Variants in DPYD observed in about 807,000 individuals in gnomAD.
DPYD encodes the protein dihydropyrimidine dehydrogenase, also known as dihydropyrimidine dehydrogenase [NADP(+)].
DPYD carries 109 observed loss-of-function variants against 116.2 expected under a neutral mutation model. The observed-to-expected ratio is 0.94, with a 90% confidence interval of 0.80 to 1.10. The LOEUF (loss-of-function observed/expected upper bound fraction) is 1.10. Among genes scored for constraint, DPYD ranks in the 50% least tolerant of loss-of-function variants. The probability of loss-of-function intolerance (pLI) is 0.00; values close to 1 mark genes in which losing one functional copy is unlikely to be tolerated. For missense variants in DPYD, 1,302 were observed against 1,254.5 expected, an observed-to-expected ratio of 1.04 and a Z score of -0.57; for synonymous variants, 440 against 432.0, an observed-to-expected ratio of 1.02 and a Z score of -0.23.
At chr1:97,620,212 C>A (rs75761978) in intron 8 of DPYD, among the ~76,000 whole-genome samples, 1 of 151,944 alleles carries the variant, frequency 6.6e-6, no homozygotes, top group Non-Finnish European at 1.5e-5. Flanking sequence ...TTCTTTTTGT[C>A]CTTTTAAAAA....
chr1:97,404,502 T>A (rs977619864), intron 14 of DPYD, among the ~76,000 whole-genome samples: 10 of 152,124 alleles, frequency 6.6e-5, no homozygotes, highest in Non-Finnish European at 1.3e-4. Context: ...GATTCTTATG[T>A]CTTCCTGGAT....
At chr1:97,834,611 G>T (rs894205776) in intron 2 of DPYD, among the ~76,000 whole-genome samples, 1 of 151,836 alleles carries the variant, frequency 6.6e-6, no homozygotes, top group African/African-American at 2.4e-5. Context: ...AAATAAAATG[G>T]CACACTCCAA....
In DPYD at chr1:97,891,047, A is replaced by G. The variant is rs186874170; in HGVS notation, c.40-7673T>C. ...AAATGGTTACCAAGGATTTGGCTTA[A>G]TAATATCCCAAATGAAATGTGATAT... On this transcript the variant is annotated intron_variant, in intron 1 of 22. Coordinates refer to ENST00000370192, the MANE Select transcript of DPYD (RefSeq NM_000110.4). Among the ~76,000 whole-genome samples the G allele has an allele frequency of 7.9e-5, 12 of 152,142 alleles. No homozygotes were observed. The East Asian group carries it at 1.4e-3, about 17-fold the overall frequency.
At chr1:97,729,081 T>C (rs1663438356) in intron 4 of DPYD, among the ~76,000 whole-genome samples, 1 of 152,142 alleles carries the variant, frequency 6.6e-6, no homozygotes, top group Admixed American at 6.6e-5. Context: ...ACTACACATT[T>C]GGTTCAGTGA....
chr1:97,357,886 A>G (rs1284574759), intron 16 of DPYD, among the ~76,000 whole-genome samples: 1 of 152,216 alleles, frequency 6.6e-6, no homozygotes, highest in Non-Finnish European at 1.5e-5. Context: ...AGCATGATCA[A>G]TGCAGAAGAT....
At chr1:97,261,016 C>T (rs758853120) in intron 18 of DPYD, among the ~76,000 whole-genome samples, 12 of 152,020 alleles carry the variant, frequency 7.9e-5, no homozygotes, top group Non-Finnish European at 1.2e-4. Flanking sequence ...TTTGTTTTCA[C>T]AGAATGAAGA....
chr1:97,465,357 T>C (rs1198178024), intron 13 of DPYD, among the ~76,000 whole-genome samples: 1 of 152,134 alleles, frequency 6.6e-6, no homozygotes, highest in Non-Finnish European at 1.5e-5. Context: ...TGGGGGACTG[T>C]TGGGAAGGTA....
chr1:97,623,109 A>T (rs1342344146), intron 8 of DPYD, among the ~76,000 whole-genome samples: 4 of 152,192 alleles, frequency 2.6e-5, no homozygotes, highest in South Asian at 4.1e-4. Context: ...TTGAAAGTGA[A>T]TGGAGTTAGT....
chr1:97,285,357 T>A lies in DPYD; in HGVS notation c.2299+19902A>T, dbSNP rs79341998. Among the ~76,000 whole-genome samples, 279 of 152,344 alleles carry A rather than the reference T, an allele frequency of 1.8e-3. 5 individuals carry two copies. In the East Asian group the frequency reaches 0.048, roughly 26 times the overall value. ...TATGGCATCAGAACAAGAGCAATCC[T>A]GCTTGCCTTAAAGTAGGTATAAAAG... On this transcript the variant is annotated intron_variant, in intron 18 of 22. Coordinates refer to ENST00000370192, the MANE Select transcript of DPYD (RefSeq NM_000110.4).
chr1:97,850,288 A>G (rs1670507193), intron 2 of DPYD, among the ~76,000 whole-genome samples: 1 of 152,216 alleles, frequency 6.6e-6, no homozygotes, highest in Admixed American at 6.5e-5. Flanking sequence ...CTGGTATAGA[A>G]TATTTTTGTA....
chr1:97,730,632 A>T (rs1663539142), intron 4 of DPYD, among the ~76,000 whole-genome samples: 1 of 152,100 alleles, frequency 6.6e-6, no homozygotes, highest in African/African-American at 2.4e-5. Flanking sequence ...ATATTTTAAA[A>T]TTATAAAAGC....
chr1:97,880,900 T>G (rs566791283), intron 2 of DPYD, among the ~76,000 whole-genome samples: 26 of 151,996 alleles, frequency 1.7e-4, no homozygotes, highest in Non-Finnish European at 2.6e-4. Flanking sequence ...ACTGAATTAA[T>G]TTACTCTAAT....
chr1:97,189,885 T>C (rs1658241977), intron 20 of DPYD, among the ~76,000 whole-genome samples: 1 of 152,176 alleles, frequency 6.6e-6, no homozygotes, highest in African/African-American at 2.4e-5. Flanking sequence ...GAATAAAGAT[T>C]ATAGCAAGTC....
At chr1:97,840,382 T>A (rs1669980734) in intron 2 of DPYD, among the ~76,000 whole-genome samples, 1 of 152,096 alleles carries the variant, frequency 6.6e-6, no homozygotes, top group Admixed American at 6.5e-5. Flanking sequence ...TTGTTATTCA[T>A]CTAAGTCTAA....
At chr1:97,373,158 C>T (rs1361557446) in intron 16 of DPYD, among the ~76,000 whole-genome samples, 1 of 152,118 alleles carries the variant, frequency 6.6e-6, no homozygotes, top group Non-Finnish European at 1.5e-5. Flanking sequence ...ATGTAAAATG[C>T]AATTTGTGCC....
At chr1:97,618,472 T>C (rs1656435113) in intron 8 of DPYD, among the ~76,000 whole-genome samples, 2 of 150,408 alleles carry the variant, frequency 1.3e-5, no homozygotes, top group South Asian at 4.2e-4. Flanking sequence ...GCCTCCCGGG[T>C]TCAAGCAAGT....
At chr1:97,546,689 T>C in intron 12 of DPYD, 1 of 1,613,056 alleles carries the variant, frequency 6.2e-7, no homozygotes. Flanking sequence ...CCATATCATG[T>C]GTGTACACTA....
At chr1:97,750,720 A>G (rs1189183087) in intron 3 of DPYD, among the ~76,000 whole-genome samples, 1 of 152,168 alleles carries the variant, frequency 6.6e-6, no homozygotes, top group African/African-American at 2.4e-5. Flanking sequence ...TGGATATTCA[A>G]TTTACACAGG....
rs757473746 is a variant in DPYD at position 97,740,378 on chromosome 1, A to G, written c.321+14T>C. The G allele has an allele frequency of 6.3e-7, 1 of 1,594,734 alleles. No individual in the cohort carries two copies. The highest frequency in any genetic ancestry group is 1.1e-5 in the South Asian group (1 of 90,676). ...TACTGTTATTTTCATTTGCAGAGTT[A>G]AATCTGAATTTACCTTGTTTGCAAT... On this transcript the variant is annotated intron_variant, in intron 4 of 22. Coordinates refer to ENST00000370192, the MANE Select transcript of DPYD (RefSeq NM_000110.4).
Sources: allele counts gnomAD v4.1 joint callset (sites outside exome capture counted in the v4.1 genomes callset), GRCh38; gene constraint gnomAD v4.1.1; transcripts MANE v1.5; gene names NCBI Gene and HGNC (gene_info 2026-07-23, HGNC 2026-07-21).